PFKP: variants seen among roughly 807,000 people sequenced by gnomAD.
PFKP encodes the protein ATP-dependent 6-phosphofructokinase, platelet type.
PFKP carries 101 observed loss-of-function variants against 94.3 expected under a neutral mutation model. That is an observed-to-expected ratio of 1.07 (90% CI 0.91 to 1.26). The LOEUF (loss-of-function observed/expected upper bound fraction) is 1.26, where lower values mean the gene tolerates loss of function less well. Ranked by LOEUF, PFKP falls within the 50% of genes most tolerant of loss-of-function variation. PFKP has a pLI of 0.00. For synonymous variants in PFKP, 573 were observed against 432.6 expected, an observed-to-expected ratio of 1.32 and a Z score of -4.03; for missense variants, 1,145 against 1,103.3, an observed-to-expected ratio of 1.04 and a Z score of -0.53.
At chr10:3,114,637 C>T (rs922054400) in intron 13 of PFKP, among the ~76,000 whole-genome samples, 1 of 152,236 alleles carries the variant, frequency 6.6e-6, no homozygotes, top group African/African-American at 2.4e-5. Context: ...ATCCCCCAGA[C>T]AGCAATGCTG....
intron 15 of PFKP, 74 bp downstream of exon 15, chr10:3,118,943 T>G: frequency 8.9e-7 from 1 of 1,117,516 alleles, no homozygotes. Flanking sequence ...ATTAAGCTAC[T>G]TGTTGGCTAC....
At chr10:3,080,258 C>T (rs1588399360) in intron 1 of PFKP, among the ~76,000 whole-genome samples, 1 of 152,286 alleles carries the variant, frequency 6.6e-6, no homozygotes, top group East Asian at 1.9e-4. Context: ...TGGCTCAAGC[C>T]TGTAATCTCA....
chr10:3,134,611 C>A (rs375132485), intron 20 of PFKP, 29 bp downstream of exon 20: 36 of 1,404,096 alleles, frequency 2.6e-5, no homozygotes, highest in Non-Finnish European at 2.4e-5. Flanking sequence ...GAGGCCACAG[C>A]CTCGTGATGC....
chr10:3,092,248 C>CAT (rs1834103072), intron 2 of PFKP, among the ~76,000 whole-genome samples: 1 of 152,228 alleles, frequency 6.6e-6, no homozygotes, highest in South Asian at 2.1e-4. Context: ...CAGCCCTGAG[C>CAT]ATTACAGCTT....
chr10:3,101,321 T>G (rs763395301), intron 3 of PFKP, 44 bp from the exon 4 acceptor site: 34 of 1,474,262 alleles, frequency 2.3e-5, no homozygotes, highest in Admixed American at 1.0e-4. Flanking sequence ...CACCTGGCGC[T>G]CTCTCAGACT....
chr10:3,108,891 C>T, intron 9 of PFKP, 98 bp downstream of exon 9: 1 of 897,896 alleles, frequency 1.1e-6, no homozygotes, highest in East Asian at 2.4e-5. Flanking sequence ...TGGCAAGGTG[C>T]TCCCCGAGAG....
At chr10:3,073,830 T>G (rs150421856) in intron 1 of PFKP, among the ~76,000 whole-genome samples, 4,515 of 150,658 alleles carry the variant, frequency 0.03, 190 homozygotes, top group African/African-American at 0.1. Flanking sequence ...TGTGTGTTTT[T>G]TTTGTTTGTT....
intron 18 of PFKP, among the ~76,000 whole-genome samples, 191 bp from the exon 19 acceptor site, chr10:3,133,012 T>C (rs113631644): frequency 6.8e-4 from 103 of 152,360 alleles, no homozygotes; most frequent in African/African-American, 2.4e-3. Flanking sequence ...TTTGTGGGCC[T>C]CAGTTGACCA....
At chr10:3,082,292 G>C (rs1356377654) in intron 1 of PFKP, 96 bp from the exon 2 acceptor site, 2 of 761,836 alleles carry the variant, frequency 2.6e-6, no homozygotes, top group Non-Finnish European at 4.4e-6. Context: ...GAGGCATTGA[G>C]AGGTTAGGAA....
intron 4 of PFKP, among the ~76,000 whole-genome samples, chr10:3,102,064 A>G: frequency 6.7e-6 from 1 of 150,340 alleles, no homozygotes. Flanking sequence ...ATCCCGGCTA[A>G]AACGGTGAAA....
intron 3 of PFKP, 49 bp downstream of exon 3, chr10:3,099,401 T>C: frequency 7.1e-7 from 1 of 1,400,838 alleles, no homozygotes; most frequent in Non-Finnish European, 1.0e-6. Flanking sequence ...GAGACTCTTT[T>C]ATGTCTAGTA....
intron 5 of PFKP, chr10:3,104,906 C>T (rs1004014726): frequency 1.4e-5 from 9 of 636,660 alleles, no homozygotes; most frequent in African/African-American, 1.1e-4. Flanking sequence ...TCCCCTTCCT[C>T]GCAGGAGTCT....
intron 16 of PFKP, among the ~76,000 whole-genome samples, chr10:3,125,503 G>A (rs1178226438): frequency 6.6e-6 from 1 of 152,128 alleles, no homozygotes; most frequent in Non-Finnish European, 1.5e-5. Context: ...CTAGACTAGG[G>A]GAGCCGCAGG....
chr10:3,105,275 G>A (rs373982729), intron 6 of PFKP, 116 bp downstream of exon 6: 188 of 1,305,382 alleles, frequency 1.4e-4, no homozygotes, highest in East Asian at 6.2e-4. Flanking sequence ...TGAAGGGGCC[G>A]GCATCCCGCT....
rs761168464 is a variant in PFKP at position 3,136,463 on chromosome 10, A to C, written c.2239A>C (p.Lys747Gln). ...TTACCTCCACAGGCACAGGATTCCC[A>C]AAGAACAGTGGTGGCTCAAGCTACG... ...KQTDFEHRIP[K>Q]EQWWLKLRPL... is the part of the protein sequence containing the mutation. Residue 747 changes from lysine to glutamine, a missense_variant, in exon 22 of 22, where the codon AAA becomes CAA. Lys to Gln is a moderately conservative substitution (Grantham distance 53). Coordinates refer to ENST00000381125, the MANE Select transcript of PFKP (RefSeq NM_002627.5). 6 of 1,613,452 alleles carry C rather than the reference A, an allele frequency of 3.7e-6. No individual in the cohort carries two copies. In the African/African-American group the frequency reaches 6.7e-5, roughly 18 times the overall value.
intron 20 of PFKP, 132 bp from the exon 21 acceptor site, chr10:3,135,604 G>A: frequency 4.9e-6 from 3 of 614,726 alleles, no homozygotes; most frequent in Non-Finnish European, 8.7e-6. Flanking sequence ...GCTGTTCTCA[G>A]TCTCACTGGG....
In PFKP at chr10:3,136,715, C is replaced by A; in HGVS notation, c.*136C>A. 1 of 798,316 alleles carries A rather than the reference C, an allele frequency of 1.3e-6. No homozygotes were observed. The allele number at this position is 798,316 out of a possible 1,614,324, so 49.5% of individuals were successfully genotyped here. On this transcript the variant is annotated 3_prime_UTR_variant, in exon 22 of 22. Transcript: ENST00000381125. ...GGCGAGTGCCCATCTGCCCCACCTGCTCCAGTGCGTGCTGTCTGTGGAGTG... is the reference window on the plus strand; with the variant it reads ...GGCGAGTGCCCATCTGCCCCACCTGATCCAGTGCGTGCTGTCTGTGGAGTG...
intron 2 of PFKP, among the ~76,000 whole-genome samples, chr10:3,082,777 G>A (rs1833190277): frequency 6.6e-6 from 1 of 152,146 alleles, no homozygotes. Flanking sequence ...GGAGTGCAGA[G>A]GCACGATCTT....
At chr10:3,101,242 C>T in intron 3 of PFKP, 123 bp from the exon 4 acceptor site, 1 of 860,622 alleles carries the variant, frequency 1.2e-6, no homozygotes, top group Non-Finnish European at 1.8e-6. Flanking sequence ...GTTACTAACT[C>T]ACAAGATGAA....
Sources: allele counts gnomAD v4.1 joint callset (sites outside exome capture counted in the v4.1 genomes callset), GRCh38; gene constraint gnomAD v4.1.1; transcripts MANE v1.5; gene names NCBI Gene and HGNC (gene_info 2026-07-23, HGNC 2026-07-21).